Variants in CDH4 observed in about 807,000 individuals in gnomAD.
The protein encoded by CDH4 is cadherin-4.
A neutral mutation model predicts 86.0 loss-of-function variants in CDH4; 33 were observed. That is an observed-to-expected ratio of 0.38 (90% CI 0.29 to 0.51). The LOEUF (loss-of-function observed/expected upper bound fraction) is 0.51. CDH4 is among the 20% of genes least tolerant of loss of function. The pLI, the probability that CDH4 is intolerant of heterozygous loss-of-function variation, is 0.86. For synonymous variants in CDH4, 555 were observed against 549.4 expected, an observed-to-expected ratio of 1.01 and a Z score of -0.14; for missense variants, 1,114 against 1,307.4, an observed-to-expected ratio of 0.85 and a Z score of 2.28.
intron 2 of CDH4, among the ~76,000 whole-genome samples, chr20:61,388,579 G>A (rs1044838320): frequency 1.3e-5 from 2 of 152,210 alleles, no homozygotes; most frequent in Admixed American, 6.5e-5. Context: ...AGTGTTGCCT[G>A]TGACATGCCC....
rs1485487371 is a variant in CDH4 at position 61,510,078 on chromosome 20, A to G, written c.170-233485A>G. ...CTATATTCAGCATTTGAAATGTTCT[A>G]TTGAAAGTCTATGTAACTCTGTGAG... On this transcript the variant is annotated intron_variant, in intron 2 of 15. Transcript: ENST00000614565. The surrounding 1 kb of genome is among the most constrained non-coding windows in gnomAD (Gnocchi z 4.2). Among the ~76,000 whole-genome samples the G allele has an allele frequency of 1.3e-5, 2 of 152,202 alleles. No individual in the cohort carries two copies. The highest frequency in any genetic ancestry group is 2.4e-5 in the African/African-American group (1 of 41,446).
At chr20:61,551,157 G>T (rs1313479644) in intron 2 of CDH4, among the ~76,000 whole-genome samples, 1 of 152,196 alleles carries the variant, frequency 6.6e-6, no homozygotes, top group East Asian at 1.9e-4. Flanking sequence ...TTTGCACATG[G>T]CATGTCATGG....
chr20:61,926,633 G>T (rs2055047461), intron 11 of CDH4, among the ~76,000 whole-genome samples: 1 of 152,220 alleles, frequency 6.6e-6, no homozygotes, highest in South Asian at 2.1e-4. Context: ...AACACTTTGG[G>T]AGGCCGAGGC....
At chr20:61,871,315 T>C (rs1983794564) in intron 6 of CDH4, among the ~76,000 whole-genome samples, 1 of 152,236 alleles carries the variant, frequency 6.6e-6, no homozygotes, top group South Asian at 2.1e-4. Context: ...TTCCATTGTT[T>C]TCCAGCTTCC....
At chr20:61,750,016 G>A (rs2088470450) in intron 3 of CDH4, among the ~76,000 whole-genome samples, 1 of 152,030 alleles carries the variant, frequency 6.6e-6, no homozygotes, top group African/African-American at 2.4e-5. Context: ...AGCTGAGATT[G>A]CACCACTGCA....
chr20:61,346,328 G>A (rs6028135), intron 2 of CDH4, among the ~76,000 whole-genome samples: 30,039 of 152,026 alleles, frequency 0.2, 2,938 homozygotes, highest in Middle Eastern at 0.34. Flanking sequence ...TCGGAGGGAG[G>A]CAGGGATCAG....
intron 2 of CDH4, among the ~76,000 whole-genome samples, chr20:61,640,643 C>T (rs746065455): frequency 9.9e-5 from 15 of 152,136 alleles, no homozygotes; most frequent in Non-Finnish European, 1.6e-4. Flanking sequence ...TGCTTCGAGA[C>T]GGACTGGAGA....
chr20:61,631,063 C>T (rs2086882978), intron 2 of CDH4, among the ~76,000 whole-genome samples: 1 of 152,206 alleles, frequency 6.6e-6, no homozygotes, highest in African/African-American at 2.4e-5. Context: ...CGTGTGAGGA[C>T]AGAGGAGAAG....
At chr20:61,668,315 G>A (rs1459180350) in intron 2 of CDH4, among the ~76,000 whole-genome samples, 1 of 152,226 alleles carries the variant, frequency 6.6e-6, no homozygotes, top group African/African-American at 2.4e-5. Context: ...GCACATGCAT[G>A]TGCAGGCAGG....
intron 2 of CDH4, among the ~76,000 whole-genome samples, chr20:61,733,074 CAG>C (rs1430818558): frequency 3.4e-4 from 6 of 17,752 alleles, no homozygotes; most frequent in East Asian, 1.9e-3. Flanking sequence ...GACGCATGGA[CAG>C]ATGGACAGGA....
intron 2 of CDH4, among the ~76,000 whole-genome samples, chr20:61,565,232 G>GAT (rs1568688586): frequency 2.0e-5 from 1 of 51,068 alleles, no homozygotes; most frequent in Non-Finnish European, 3.9e-5. Context: ...AGGTGGTGGT[G>GAT]GTGGTGGTGG....
At chr20:61,660,215 C>CCCCTCCCCGTCTTT (rs570111065) in intron 2 of CDH4, among the ~76,000 whole-genome samples, 8 of 152,340 alleles carry the variant, frequency 5.3e-5, no homozygotes, top group African/African-American at 1.9e-4. Context: ...CCAGAGGCCG[C>CCCCTCCCCGTCTTT]CCCTCCCCGT....
intron 2 of CDH4, among the ~76,000 whole-genome samples, chr20:61,500,055 G>T (rs1328143076): frequency 6.6e-6 from 1 of 152,184 alleles, no homozygotes; most frequent in Admixed American, 6.5e-5. Flanking sequence ...ACAGCGCTGG[G>T]TGTGAGGGCT....
chr20:61,903,101 G>A (rs1220998613), intron 8 of CDH4, among the ~76,000 whole-genome samples: 1 of 151,106 alleles, frequency 6.6e-6, no homozygotes, highest in Non-Finnish European at 1.5e-5. Flanking sequence ...CGTGTGCCAC[G>A]TGCCAGGCCT....
chr20:61,291,712 A>G (rs1458293465), intron 2 of CDH4, among the ~76,000 whole-genome samples: 1 of 151,918 alleles, frequency 6.6e-6, no homozygotes, highest in Non-Finnish European at 1.5e-5. Flanking sequence ...CCAGTGACTT[A>G]TGGCCTCGGA....
chr20:61,448,516 G>A (rs1342929938), intron 2 of CDH4, among the ~76,000 whole-genome samples: 1 of 152,072 alleles, frequency 6.6e-6, no homozygotes, highest in African/African-American at 2.4e-5. Context: ...TTGTGTTGGG[G>A]GTTTTGTAAA....
intron 2 of CDH4, among the ~76,000 whole-genome samples, chr20:61,294,438 G>T (rs1461554387): frequency 6.6e-6 from 1 of 152,112 alleles, no homozygotes; most frequent in Admixed American, 6.5e-5. Context: ...GCCCCGACTC[G>T]GCCCATCCTA....
At chr20:61,570,216 G>T (rs1182300060) in intron 2 of CDH4, 1 of 167,246 alleles carries the variant, frequency 6.0e-6, no homozygotes, top group African/African-American at 2.4e-5. Flanking sequence ...AATGAGCTGG[G>T]CTACCTAGAT....
chr20:61,894,576 C>A (rs1483121742), intron 7 of CDH4, among the ~76,000 whole-genome samples: 2 of 152,162 alleles, frequency 1.3e-5, no homozygotes, highest in African/African-American at 2.4e-5. Context: ...CGAATGCAAC[C>A]CCAGTGCCCT....
Sources: allele counts gnomAD v4.1 joint callset (sites outside exome capture counted in the v4.1 genomes callset), GRCh38; gene constraint gnomAD v4.1.1; non-coding constraint Gnocchi (gnomAD v3.1); transcripts MANE v1.5; gene names NCBI Gene and HGNC (gene_info 2026-07-23, HGNC 2026-07-21).